Variants in TRHDE observed in about 807,000 individuals in gnomAD.
TRHDE encodes thyrotropin releasing hormone degrading enzyme.
TRHDE carries 72 observed loss-of-function variants against 125.7 expected under a neutral mutation model. That is an observed-to-expected ratio of 0.57 (90% confidence interval 0.47 to 0.70). The LOEUF (loss-of-function observed/expected upper bound fraction) is 0.70, where lower values mean the gene tolerates loss of function less well. Among genes scored for constraint, TRHDE ranks in the 30% least tolerant of loss-of-function variants. The pLI, the probability that TRHDE is intolerant of heterozygous loss-of-function variation, is 0.00. For missense variants in TRHDE, 1,110 were observed against 1,327.1 expected (o/e 0.84, Z 2.54); for synonymous variants, 509 against 509.1 (o/e 1.00, Z 0.00).
intron 7 of TRHDE, among the ~76,000 whole-genome samples, chr12:72,554,482 CT>C (rs1300921165): frequency 1.3e-5 from 2 of 152,172 alleles, no homozygotes. Flanking sequence ...TTATATATAT[CT>C]TCTTTCTCAA....
chr12:72,165,321 T>C (rs904766910), intron 2 of TRHDE, among the ~76,000 whole-genome samples: 4 of 152,194 alleles, frequency 2.6e-5, no homozygotes, highest in Non-Finnish European at 4.4e-5. Context: ...CACAAGCACA[T>C]ACCATAAATC....
intron 3 of TRHDE, among the ~76,000 whole-genome samples, chr12:72,379,143 A>G (rs1872030562): frequency 6.6e-6 from 1 of 152,202 alleles, no homozygotes. Flanking sequence ...TCCCTGGAGA[A>G]CCAGGCCGCT....
At chr12:72,383,826 G>T (rs1872297712) in intron 3 of TRHDE, among the ~76,000 whole-genome samples, 1 of 151,666 alleles carries the variant, frequency 6.6e-6, no homozygotes, top group Non-Finnish European at 1.5e-5. Flanking sequence ...TCAAACCCAG[G>T]CTGTCTGGCT....
chr12:72,358,288 C>T (rs1870912421), intron 2 of TRHDE, among the ~76,000 whole-genome samples: 2 of 151,564 alleles, frequency 1.3e-5, no homozygotes, highest in African/African-American at 2.4e-5. Context: ...CAAGAGCAAC[C>T]CCTCCTCTTT....
At chr12:72,542,395 T>A (rs745558391) in intron 7 of TRHDE, 39 bp downstream of exon 7, 1 of 1,547,500 alleles carries the variant, frequency 6.5e-7, no homozygotes, top group Non-Finnish European at 8.8e-7. Context: ...ACATTTTTCC[T>A]TGTCAATATA....
intron 6 of TRHDE, among the ~76,000 whole-genome samples, chr12:72,509,027 C>A (rs977780902): frequency 1.4e-4 from 21 of 152,068 alleles, no homozygotes; most frequent in African/African-American, 5.1e-4. Context: ...CCAATTAAAC[C>A]TCTTTTCTTT....
At chr12:72,526,130 T>C (rs919490699) in intron 6 of TRHDE, among the ~76,000 whole-genome samples, 1 of 152,308 alleles carries the variant, frequency 6.6e-6, no homozygotes. Flanking sequence ...TGCTGTCCTC[T>C]GACATTTTTA....
At chr12:72,597,107 A>ATT (rs1364999937) in intron 12 of TRHDE, among the ~76,000 whole-genome samples, 1 of 152,172 alleles carries the variant, frequency 6.6e-6, no homozygotes, top group Non-Finnish European at 1.5e-5. Flanking sequence ...CCATATTTGA[A>ATT]TTATATCACT....
chr12:72,580,075 T>TA (rs747980920), intron 12 of TRHDE, among the ~76,000 whole-genome samples: 2 of 152,302 alleles, frequency 1.3e-5, no homozygotes, highest in Non-Finnish European at 2.9e-5. Flanking sequence ...CAAACTCTAC[T>TA]AAAAAATCAC....
chr12:72,391,914 G>C (rs1274360390), intron 3 of TRHDE, among the ~76,000 whole-genome samples: 1 of 152,144 alleles, frequency 6.6e-6, no homozygotes, highest in Non-Finnish European at 1.5e-5. Context: ...TAATGTAACT[G>C]TATTGAAATA....
In TRHDE at chr12:72,238,323, C is replaced by CATATATATATACACATTATATATATATAT. The variant is rs1565669975; in HGVS notation, n.279+132588_279+132616dup. Among the ~76,000 whole-genome samples the CATATATATATACACATTATATATATATAT allele has an allele frequency of 8.8e-4, 12 of 13,656 alleles. No homozygotes were observed. The East Asian group carries it at 0.019, about 22-fold the overall frequency. The allele number at this position is 13,656 out of a possible 152,430, so 9.0% of individuals were successfully genotyped here. On this transcript the variant is annotated intron_variant and non_coding_transcript_variant, in intron 2 of 4. Transcript: ENST00000548156. ...ATATATATATATATATATATATATA[C>CATATATATATACACATTATATATATATAT]ATATATATATACACATTATATATAT...
chr12:72,280,014 C>T (rs1879636466), intron 1 of TRHDE, among the ~76,000 whole-genome samples: 1 of 152,078 alleles, frequency 6.6e-6, no homozygotes, highest in African/African-American at 2.4e-5. Flanking sequence ...TTTTAAAAAT[C>T]TTATATCTTT....
chr12:72,651,708 T>C (rs1023299468), intron 15 of TRHDE, among the ~76,000 whole-genome samples: 1 of 152,006 alleles, frequency 6.6e-6, no homozygotes, highest in African/African-American at 2.4e-5. Context: ...TTTCCCACTA[T>C]AATATTGCAT....
At chr12:72,374,425 C>G (rs1361621928) in intron 2 of TRHDE, among the ~76,000 whole-genome samples, 2 of 151,436 alleles carry the variant, frequency 1.3e-5, no homozygotes, top group Non-Finnish European at 2.9e-5. Flanking sequence ...ATTCATGAGT[C>G]TGGAAGTCTG....
chr12:72,267,501 G>T (rs1476357465), upstream of TRHDE, among the ~76,000 whole-genome samples: 1 of 151,896 alleles, frequency 6.6e-6, no homozygotes, highest in African/African-American at 2.4e-5. Flanking sequence ...ATAATCATGA[G>T]ACTTTTCTGG....
chr12:72,163,595 T>C (rs1182026060), intron 2 of TRHDE, among the ~76,000 whole-genome samples: 1 of 152,216 alleles, frequency 6.6e-6, no homozygotes, highest in Admixed American at 6.5e-5. Flanking sequence ...ATTCATGATA[T>C]GGACACAATT....
At chr12:72,590,133 T>A (rs1871611040) in intron 12 of TRHDE, among the ~76,000 whole-genome samples, 1 of 151,902 alleles carries the variant, frequency 6.6e-6, no homozygotes, top group Non-Finnish European at 1.5e-5. Flanking sequence ...TTGAGAAAAA[T>A]GATTACTCAA....
intron 2 of TRHDE, among the ~76,000 whole-genome samples, chr12:72,138,027 G>A (rs1468989795): frequency 6.6e-6 from 1 of 152,152 alleles, no homozygotes; most frequent in East Asian, 1.9e-4. Context: ...CCTGGGCCTC[G>A]CCCCAGGCTA....
intron 15 of TRHDE, among the ~76,000 whole-genome samples, chr12:72,640,382 C>A (rs909580003): frequency 2.0e-5 from 3 of 152,228 alleles, no homozygotes; most frequent in Admixed American, 2.0e-4. Flanking sequence ...GTGCGTGCAC[C>A]CACTGACCTG....
Sources: gnomAD v4.1 joint callset for allele counts (sites outside exome capture counted in the v4.1 genomes callset) on GRCh38, gnomAD v4.1.1 for gene constraint, MANE v1.5 for transcripts, NCBI Gene and HGNC (gene_info 2026-07-23, HGNC 2026-07-21) for gene names.